HSD17B12: variants seen among roughly 807,000 people sequenced by gnomAD.
HSD17B12 encodes the protein very-long-chain 3-oxoacyl-CoA reductase.
In HSD17B12, 32 loss-of-function variants were observed where a neutral mutation model predicts 39.3. That is an observed-to-expected ratio of 0.81 (90% CI 0.61 to 1.09). The LOEUF (loss-of-function observed/expected upper bound fraction) is 1.09, where lower values mean the gene tolerates loss of function less well. Ranked by LOEUF, HSD17B12 falls within the 50% of genes least tolerant of loss-of-function variation. The pLI, the probability that HSD17B12 is intolerant of heterozygous loss-of-function variation, is 0.00. For synonymous variants in HSD17B12, 150 were observed against 146.7 expected (o/e 1.02, Z -0.16); for missense variants, 342 against 382.9 (o/e 0.89, Z 0.89).
At chr11:43,576,186 A>C in the HSD17B12 span, among the ~76,000 whole-genome samples, 1 of 152,168 alleles carries the variant, frequency 6.6e-6, no homozygotes, top group Admixed American at 6.5e-5. Flanking sequence ...GACAGATGGG[A>C]GTTAACGGGA....
chr11:43,648,390 C>G, the HSD17B12 span, among the ~76,000 whole-genome samples: 1 of 151,824 alleles, frequency 6.6e-6, no homozygotes, highest in African/African-American at 2.4e-5. Context: ...GCTACTTAAA[C>G]CAAATTCACA....
chr11:43,614,984 A>G, the HSD17B12 span, among the ~76,000 whole-genome samples: 3 of 151,856 alleles, frequency 2.0e-5, no homozygotes, highest in African/African-American at 7.3e-5. Context: ...GTTATGGGTC[A>G]CATTTTTTTC....
intron 1 of HSD17B12, among the ~76,000 whole-genome samples, chr11:43,726,977 A>G (rs1177816313): frequency 2.0e-5 from 3 of 152,254 alleles, no homozygotes; most frequent in Non-Finnish European, 2.9e-5. Flanking sequence ...TTTGCTTTAC[A>G]TAATAATTCA....
At chr11:43,724,759 A>G (rs11037581) in intron 1 of HSD17B12, among the ~76,000 whole-genome samples, 4,467 of 152,286 alleles carry the variant, frequency 0.029, 95 homozygotes, top group Middle Eastern at 0.085. Flanking sequence ...GGTTTCGACT[A>G]TGAATTTTGG....
At chr11:43,613,810 G>T in the HSD17B12 span, among the ~76,000 whole-genome samples, 18 of 151,904 alleles carry the variant, frequency 1.2e-4, no homozygotes, top group Non-Finnish European at 7.4e-5. Flanking sequence ...GGGATTACAG[G>T]TGCCCACCAC....
At chr11:43,770,678 T>A (rs958546611) in intron 3 of HSD17B12, among the ~76,000 whole-genome samples, 2 of 152,212 alleles carry the variant, frequency 1.3e-5, no homozygotes, top group African/African-American at 4.8e-5. Context: ...GAGGCTGCAA[T>A]GAGCCACTGT....
chr11:43,669,974 G>T, the HSD17B12 span, among the ~76,000 whole-genome samples: 1 of 152,186 alleles, frequency 6.6e-6, no homozygotes, highest in Non-Finnish European at 1.5e-5. Context: ...ATTTGTAATG[G>T]AATACACTGG....
At chr11:43,839,317 TG>T (rs1204690028) in intron 8 of HSD17B12, among the ~76,000 whole-genome samples, 2 of 152,138 alleles carry the variant, frequency 1.3e-5, no homozygotes, top group Admixed American at 6.6e-5. Flanking sequence ...AAATTTAAAA[TG>T]AATGCCATGT....
the HSD17B12 span, among the ~76,000 whole-genome samples, chr11:43,620,486 G>T: frequency 6.6e-6 from 1 of 152,116 alleles, no homozygotes; most frequent in Non-Finnish European, 1.5e-5. Flanking sequence ...GTTTGCAAAA[G>T]CTCCAAAGTC....
the HSD17B12 span, among the ~76,000 whole-genome samples, chr11:43,610,615 T>C: frequency 7.2e-5 from 11 of 152,210 alleles, no homozygotes; most frequent in African/African-American, 1.2e-4. Context: ...GTCATGGATA[T>C]ATATAATACT....
chr11:43,745,623 C>T (rs1950405737), intron 1 of HSD17B12, among the ~76,000 whole-genome samples: 1 of 152,100 alleles, frequency 6.6e-6, no homozygotes, highest in Non-Finnish European at 1.5e-5. Flanking sequence ...AGGCTACAAA[C>T]CTGTATATAA....
chr11:43,668,852 A>G, the HSD17B12 span, among the ~76,000 whole-genome samples: 1 of 151,802 alleles, frequency 6.6e-6, no homozygotes, highest in South Asian at 2.1e-4. Flanking sequence ...TGTCCAGCTA[A>G]TTAAAAAAAA....
chr11:43,572,737 G>A, the HSD17B12 span, among the ~76,000 whole-genome samples: 19,750 of 152,098 alleles, frequency 0.13, 1,589 homozygotes, highest in Non-Finnish European at 0.18. Flanking sequence ...AAAAGTGTCC[G>A]GCACAGTGTC....
intron 1 of HSD17B12, among the ~76,000 whole-genome samples, chr11:43,716,135 C>T (rs144607651): frequency 5.9e-5 from 9 of 152,038 alleles, no homozygotes; most frequent in Admixed American, 5.9e-4. Flanking sequence ...TTTAACAAAC[C>T]CGTAGATTAA....
chr11:43,753,744 A>G (rs920699818), intron 2 of HSD17B12, among the ~76,000 whole-genome samples: 2 of 151,992 alleles, frequency 1.3e-5, no homozygotes, highest in African/African-American at 2.4e-5. Context: ...TTTTTAAATT[A>G]TAGAAGTGGT....
At chr11:43,768,764 G>A (rs117735198) in intron 3 of HSD17B12, among the ~76,000 whole-genome samples, 1 of 152,184 alleles carries the variant, frequency 6.6e-6, no homozygotes, top group African/African-American at 2.4e-5. Flanking sequence ...AGACCAGAGC[G>A]GGTTGCCGTG....
chr11:43,757,387 A>G (rs1210110211), intron 3 of HSD17B12, among the ~76,000 whole-genome samples: 1 of 151,104 alleles, frequency 6.6e-6, no homozygotes, highest in Non-Finnish European at 1.5e-5. Context: ...TAATCCCAGC[A>G]CTTTGGGAGG....
intron 7 of HSD17B12, among the ~76,000 whole-genome samples, chr11:43,837,217 A>G (rs879314662): frequency 2.0e-5 from 3 of 152,148 alleles, no homozygotes; most frequent in Non-Finnish European, 4.4e-5. Context: ...ATGCCATTTA[A>G]TCATGTATCC....
chr11:43,786,157 A>T (rs746771824), intron 3 of HSD17B12, among the ~76,000 whole-genome samples: 14 of 152,158 alleles, frequency 9.2e-5, no homozygotes, highest in Non-Finnish European at 4.4e-5. Flanking sequence ...CTTTCATATA[A>T]AGTGGGTTGC....
Sources: allele counts gnomAD v4.1 joint callset (sites outside exome capture counted in the v4.1 genomes callset), GRCh38; gene constraint gnomAD v4.1.1; transcripts MANE v1.5; gene names NCBI Gene and HGNC (gene_info 2026-07-23, HGNC 2026-07-21).